The following TAF1 variants were observed in gnomAD, a reference collection of about 807,000 sequenced individuals.
TAF1 encodes transcription initiation factor TFIID subunit 1.
A neutral mutation model predicts 138.5 loss-of-function variants in TAF1; 2 were observed. The observed-to-expected ratio is 0.01, with a 90% CI of 0.01 to 0.05. TAF1 has a LOEUF of 0.05. TAF1 is among the 10% of genes least tolerant of loss of function. TAF1 has a pLI of 1.00. For synonymous variants in TAF1, 437 were observed against 503.2 expected (o/e 0.87, Z 1.76); for missense variants, 709 against 1,478.0 (o/e 0.48, Z 8.53).
At chrX:71,391,533 A>AT (rs1402681138) in intron 18 of TAF1, among the ~76,000 whole-genome samples, 4 of 110,172 alleles carry the variant, frequency 3.6e-5, no homozygotes, top group Admixed American at 9.7e-5. Context: ...AAGAAAAACA[A>AT]TTTTTTTTAA....
In TAF1 at chrX:71,378,219, C is replaced by CT. The variant is rs774715578; in HGVS notation, c.934-13dup. ...TCAGGAAATTCTCCCTGCTCTACTT[C>CT]TTTCTTCTGTTACAGATCACGATGA... On this transcript the variant is annotated splice_polypyrimidine_tract_variant and intron_variant, in intron 6 of 37. Transcript: ENST00000423759. The CT allele has an allele frequency of 4.1e-6, 5 of 1,206,393 alleles. No individual in the cohort carries two copies. The African/African-American group carries it at 8.7e-5, about 21-fold the overall frequency.
At chrX:71,447,937 G>A (rs2037773023) in intron 32 of TAF1, among the ~76,000 whole-genome samples, 1 of 111,560 alleles carries the variant, frequency 9.0e-6, no homozygotes, top group Non-Finnish European at 1.9e-5. Context: ...TATTTGGTAT[G>A]AGGCAAAGTA....
At chrX:71,506,959 AAGAC>A (rs1478736089) in intron 13 of TAF1, among the ~76,000 whole-genome samples, 1 of 111,900 alleles carries the variant, frequency 8.9e-6, no homozygotes, top group Admixed American at 9.6e-5. Flanking sequence ...ATGTAGAAAA[AAGAC>A]AGACACAAAG....
At chrX:71,375,128 T>C (rs1267148636) in intron 3 of TAF1, 39 bp from the exon 4 acceptor site, 3 of 1,190,099 alleles carry the variant, frequency 2.5e-6, no homozygotes, top group Non-Finnish European at 2.3e-6. Context: ...TTGTATAATA[T>C]TTTGGATATT....
chrX:71,524,940 C>CAA (rs372754714), intron 13 of TAF1, among the ~76,000 whole-genome samples: 99 of 55,419 alleles, frequency 1.8e-3, no homozygotes, highest in African/African-American at 5.3e-3. Flanking sequence ...GACTCTGTCT[C>CAA]AAAAAAAAAA....
At chrX:71,487,100 C>G (rs2039184664) in intron 13 of TAF1, among the ~76,000 whole-genome samples, 1 of 97,670 alleles carries the variant, frequency 1.0e-5, no homozygotes, top group Non-Finnish European at 2.1e-5. Context: ...AAATTTCAGC[C>G]TTTTTTTTTT....
intron 8 of TAF1, among the ~76,000 whole-genome samples, chrX:71,379,381 C>T (rs2033714238): frequency 9.2e-6 from 1 of 108,913 alleles, no homozygotes; most frequent in Non-Finnish European, 1.9e-5. Context: ...TCCCAAAGTG[C>T]TGGGATTACA....
chrX:71,508,086 CTATATATA>C lies in TAF1; in HGVS notation c.1367-20436_1367-20429del, dbSNP rs1556033075. Among the ~76,000 whole-genome samples the C allele has an allele frequency of 2.9e-4, 27 of 92,181 alleles. No individual in the cohort carries two copies. In the East Asian group the frequency reaches 7.2e-3, roughly 25 times the overall value. The allele number at this position is 92,181 out of a possible 115,157, so 80.0% of individuals were successfully genotyped here. On this transcript the variant is annotated intron_variant and NMD_transcript_variant, in intron 13 of 14. Coordinates refer to the TAF1 transcript ENST00000373775. ...GAATATTCTCTCTCTCTCTCTCTCT[CTATATATA>C]TATATATATATATATATATGAATTT...
intron 13 of TAF1, among the ~76,000 whole-genome samples, chrX:71,496,625 G>A (rs1385412518): frequency 9.4e-6 from 1 of 106,254 alleles, no homozygotes; most frequent in African/African-American, 3.4e-5. Flanking sequence ...TTCTTTGTCG[G>A]TCTCTTCCTC....
intron 6 of TAF1, 198 bp downstream of exon 6, chrX:71,378,019 C>T (rs1236602950): frequency 1.8e-5 from 11 of 625,661 alleles, no homozygotes; most frequent in Non-Finnish European, 2.6e-5. Flanking sequence ...GTGGGGTAGG[C>T]GGGGATGAGA....
At chrX:71,392,526 C>G (rs374868436) in intron 18 of TAF1, 43 bp from the exon 19 acceptor site, 11 of 1,118,820 alleles carry the variant, frequency 9.8e-6, no homozygotes, top group Non-Finnish European at 1.2e-5. Context: ...AGACATAGAA[C>G]AAATGTTTCC....
At chrX:71,437,806 T>C (rs2037218052) in intron 32 of TAF1, among the ~76,000 whole-genome samples, 1 of 108,696 alleles carries the variant, frequency 9.2e-6, no homozygotes, top group Admixed American at 1.0e-4. Flanking sequence ...ATGGAAAATA[T>C]ACATAATATA....
intron 25 of TAF1, 69 bp from the exon 26 acceptor site, chrX:71,406,569 A>G (rs1380194728): frequency 9.5e-7 from 1 of 1,053,792 alleles, no homozygotes; most frequent in Non-Finnish European, 1.3e-6. Flanking sequence ...TTTTTTAATT[A>G]TAGTTGCTTT....
chrX:71,459,460 C>T (rs981147891), intron 35 of TAF1, 92 bp from the exon 36 acceptor site: 26 of 329,822 alleles, frequency 7.9e-5, no homozygotes, highest in Admixed American at 2.2e-4. Context: ...GAGGGATGGG[C>T]GGGGCGGGGA....
chrX:71,428,859 A>G lies in TAF1; in HGVS notation c.4753+4621A>G, dbSNP rs752506000. ...TCATGCTTTTTTAAAAAAGATGTAT[A>G]TACGTACAAAAAAGGCTGGAAGGAA... On this transcript the variant is annotated intron_variant, in intron 32 of 37. Transcript: ENST00000423759. Among the ~76,000 whole-genome samples, 14 of 112,360 alleles carry G rather than the reference A, an allele frequency of 1.2e-4. No individual in the cohort carries two copies. The South Asian group carries it at 4.4e-3, about 35-fold the overall frequency.
In TAF1 at chrX:71,375,156, G is replaced by T; in HGVS notation, c.353-11G>T. Reference sequence around the variant, plus strand: ...TGGATATTGAGGAGATCACCTTCTTGGTTTTATTAGATTATGATGAAGATG... The same window carrying T: ...TGGATATTGAGGAGATCACCTTCTTTGTTTTATTAGATTATGATGAAGATG... On this transcript the variant is annotated splice_polypyrimidine_tract_variant and intron_variant, in intron 3 of 37. Coordinates refer to ENST00000423759, the MANE Select transcript of TAF1 (RefSeq NM_004606.5). 1 of 1,207,287 alleles carries T rather than the reference G, an allele frequency of 8.3e-7. No individual in the cohort carries two copies.
chrX:71,370,816 C>T (rs1270211981), intron 3 of TAF1, among the ~76,000 whole-genome samples: 1 of 112,088 alleles, frequency 8.9e-6, no homozygotes, highest in Admixed American at 9.6e-5. Flanking sequence ...AAAGAATTAA[C>T]TGTGTTGCAT....
intron 32 of TAF1, among the ~76,000 whole-genome samples, chrX:71,447,304 A>G (rs1264863688): frequency 1.8e-5 from 2 of 111,294 alleles, no homozygotes; most frequent in Non-Finnish European, 3.8e-5. Flanking sequence ...AAGAGTTCTC[A>G]AGGGAAACAT....
At chrX:71,483,780 C>CTCTCTCTCTCTCTCTA (rs1164519184) in intron 13 of TAF1, among the ~76,000 whole-genome samples, 2 of 37,577 alleles carry the variant, frequency 5.3e-5, no homozygotes, top group African/African-American at 1.3e-4. Flanking sequence ...CTCTCTCTCT[C>CTCTCTCTCTCTCTCTA]TATATATATA....
Sources: gnomAD v4.1 joint callset for allele counts (sites outside exome capture counted in the v4.1 genomes callset) on GRCh38, gnomAD v4.1.1 for gene constraint, MANE v1.5 for transcripts, NCBI Gene and HGNC (gene_info 2026-07-23, HGNC 2026-07-21) for gene names.